Variants in MCTP1 observed in about 807,000 individuals in gnomAD.
MCTP1 encodes the protein multiple C2 and transmembrane domain-containing protein 1.
MCTP1 carries 69 observed loss-of-function variants against 120.6 expected under a neutral mutation model. That is an observed-to-expected ratio of 0.57 (90% confidence interval 0.47 to 0.70). The LOEUF is 0.70. Ranked by LOEUF, MCTP1 falls within the 30% of genes least tolerant of loss-of-function variation. The pLI, the probability that MCTP1 is intolerant of heterozygous loss-of-function variation, is 0.00. For synonymous variants in MCTP1, 529 were observed against 493.1 expected, an observed-to-expected ratio of 1.07 and a Z score of -0.96; for missense variants, 1,203 against 1,248.8, an observed-to-expected ratio of 0.96 and a Z score of 0.55.
intron 1 of MCTP1, among the ~76,000 whole-genome samples, chr5:95,234,081 G>A (rs1238641829): frequency 6.6e-6 from 1 of 151,858 alleles, no homozygotes; most frequent in Non-Finnish European, 1.5e-5. Flanking sequence ...GACTTCCAAG[G>A]AAAGAATATT....
chr5:95,139,593 T>C (rs150200826), intron 1 of MCTP1, among the ~76,000 whole-genome samples: 149 of 152,342 alleles, frequency 9.8e-4, no homozygotes, highest in African/African-American at 3.4e-3. Context: ...AAAAAGTTAA[T>C]TTTAAAAAGA....
At chr5:94,873,637 T>C (rs1210037095) in intron 12 of MCTP1, among the ~76,000 whole-genome samples, 1 of 152,040 alleles carries the variant, frequency 6.6e-6, no homozygotes, top group Non-Finnish European at 1.5e-5. Context: ...CTCTAAGGCA[T>C]ATATTTTTTC....
At chr5:95,012,196 T>C (rs1836135206) in intron 2 of MCTP1, among the ~76,000 whole-genome samples, 1 of 152,114 alleles carries the variant, frequency 6.6e-6, no homozygotes, top group Admixed American at 6.6e-5. Context: ...AATCATTAGA[T>C]CATACTGACA....
At chr5:95,208,105 T>C (rs114225194) in intron 1 of MCTP1, among the ~76,000 whole-genome samples, 3,017 of 152,120 alleles carry the variant, frequency 0.02, 97 homozygotes, top group African/African-American at 0.068. Context: ...TTGTTGTTGT[T>C]TGAGAGGAAG....
At chr5:94,950,476 T>C (rs983374467) in intron 3 of MCTP1, among the ~76,000 whole-genome samples, 1 of 152,170 alleles carries the variant, frequency 6.6e-6, no homozygotes, top group Non-Finnish European at 1.5e-5. Context: ...GCATACAGTG[T>C]TGCTGTCTTC....
chr5:95,260,568 G>A (rs1249521794), intron 1 of MCTP1, among the ~76,000 whole-genome samples: 1 of 151,682 alleles, frequency 6.6e-6, no homozygotes, highest in Admixed American at 6.6e-5. Flanking sequence ...TCCATAGTCT[G>A]GTGAGTGTAA....
At chr5:95,257,974 GATATAA>G (rs944493261) in intron 1 of MCTP1, among the ~76,000 whole-genome samples, 93 of 152,278 alleles carry the variant, frequency 6.1e-4, no homozygotes, top group African/African-American at 2.1e-3. Context: ...AGTCCACACT[GATATAA>G]ATATATGATT....
intron 1 of MCTP1, chr5:95,166,253 C>G (rs958315079): frequency 2.0e-5 from 3 of 152,136 alleles, no homozygotes; most frequent in African/African-American, 7.2e-5. Flanking sequence ...CTATACCACT[C>G]AAAGGAATTT....
intron 1 of MCTP1, among the ~76,000 whole-genome samples, chr5:95,096,905 T>C (rs564466910): frequency 6.6e-6 from 1 of 152,308 alleles, no homozygotes; most frequent in South Asian, 2.1e-4. Flanking sequence ...ATCACATTGT[T>C]CTAAATAGCT....
At chr5:95,176,652 A>C (rs1748019456) in intron 1 of MCTP1, among the ~76,000 whole-genome samples, 1 of 152,164 alleles carries the variant, frequency 6.6e-6, no homozygotes, top group South Asian at 2.1e-4. Flanking sequence ...GTTTGAGACC[A>C]GCCTGGCCAA....
intron 1 of MCTP1, among the ~76,000 whole-genome samples, chr5:95,050,259 A>T (rs954072027): frequency 1.3e-5 from 2 of 152,252 alleles, no homozygotes; most frequent in Non-Finnish European, 2.9e-5. Flanking sequence ...ATTTCAGATA[A>T]ATAAAATACA....
chr5:94,879,652 C>T (rs1799638309), intron 12 of MCTP1, among the ~76,000 whole-genome samples: 1 of 152,078 alleles, frequency 6.6e-6, no homozygotes, highest in Non-Finnish European at 1.5e-5. Context: ...AATCCATGAC[C>T]TGTTAACATT....
intron 2 of MCTP1, among the ~76,000 whole-genome samples, chr5:95,006,158 T>C (rs1372153167): frequency 6.6e-6 from 1 of 152,142 alleles, no homozygotes; most frequent in East Asian, 1.9e-4. Flanking sequence ...TTCTCATCAA[T>C]GTAGTAACAA....
Position 94,704,501 on chromosome 5 carries a change from A to C in MCTP1, c.*2995T>G, listed in dbSNP as rs1338406983. On this transcript the variant is annotated 3_prime_UTR_variant, in exon 23 of 23. Coordinates refer to ENST00000515393, the MANE Select transcript of MCTP1 (RefSeq NM_024717.7). ...ATAGGAGACCTTAGATATGAGATCA[A>C]AGTGGAAAAAAAGCTCCTGTGGTCC... The C allele has an allele frequency of 6.6e-6, 1 of 151,452 alleles. No individual in the cohort carries two copies. The highest frequency in any genetic ancestry group is 1.5e-5 in the Non-Finnish European group (1 of 67,612). The allele number at this position is 151,452 out of a possible 1,614,324, so 9.4% of individuals were successfully genotyped here.
chr5:95,005,449 T>C lies in MCTP1; in HGVS notation c.838+11918A>G, dbSNP rs192081755. Among the ~76,000 whole-genome samples the C allele has an allele frequency of 1.2e-4, 18 of 152,244 alleles. No individual in the cohort carries two copies. In the East Asian group the frequency reaches 3.5e-3, roughly 29 times the overall value. ...GGAGGGGCCAGGGGGTGGAATATTA[T>C]GGTTTGGCTCTGTGTCCCCACCCCA... On this transcript the variant is annotated intron_variant, in intron 2 of 22. Coordinates refer to ENST00000515393, the MANE Select transcript of MCTP1 (RefSeq NM_024717.7).
At chr5:95,243,649 G>GGA (rs1243127352) in intron 1 of MCTP1, among the ~76,000 whole-genome samples, 1 of 152,166 alleles carries the variant, frequency 6.6e-6, no homozygotes, top group South Asian at 2.1e-4. Context: ...AGACAAAACT[G>GGA]GAGAGAGAGA....
rs542998709 is a variant in MCTP1 at position 94,744,800 on chromosome 5, G to A, written c.2611-29914C>T. On this transcript the variant is annotated intron_variant, in intron 19 of 22. Transcript: ENST00000515393. ...GCTGGGATTACAGGTGTGAGCCACC[G>A]CGCCCAGCCACCAATAGGTAGTTCT... Among the ~76,000 whole-genome samples the A allele has an allele frequency of 7.2e-5, 11 of 152,214 alleles. No individual in the cohort carries two copies. The South Asian group carries it at 1.2e-3, about 17-fold the overall frequency.
chr5:95,119,630 C>G (rs1245894199), intron 1 of MCTP1, among the ~76,000 whole-genome samples: 1 of 151,818 alleles, frequency 6.6e-6, no homozygotes, highest in Non-Finnish European at 1.5e-5. Flanking sequence ...AACTTTTAGC[C>G]AGGCTGAGGA....
intron 1 of MCTP1, among the ~76,000 whole-genome samples, chr5:95,061,497 G>T (rs184076553): frequency 0.043 from 5,426 of 124,852 alleles, 114 homozygotes; most frequent in African/African-American, 0.063. Flanking sequence ...GTGCAGTGGC[G>T]GGATCTCGGC....
Sources: allele counts gnomAD v4.1 joint callset (sites outside exome capture counted in the v4.1 genomes callset), GRCh38; gene constraint gnomAD v4.1.1; transcripts MANE v1.5; gene names NCBI Gene and HGNC (gene_info 2026-07-23, HGNC 2026-07-21).